Variants in HERC4 observed in about 807,000 individuals in gnomAD.
The protein encoded by HERC4 is HECT and RLD domain containing E3 ubiquitin protein ligase 4, also known as probable E3 ubiquitin-protein ligase HERC4.
In HERC4, 28 loss-of-function variants were observed where a neutral mutation model predicts 124.3. That is an observed-to-expected ratio of 0.23 (90% CI 0.17 to 0.31). HERC4 has a LOEUF of 0.31. Ranked by LOEUF, HERC4 falls within the 10% of genes least tolerant of loss-of-function variation. The pLI is 1.00. For missense variants in HERC4, 713 were observed against 1,229.3 expected, an observed-to-expected ratio of 0.58 and a Z score of 6.28; for synonymous variants, 407 against 421.5, an observed-to-expected ratio of 0.97 and a Z score of 0.42.
At chr10:67,932,474 A>T in intron 23 of HERC4, 123 bp downstream of exon 23, 1 of 733,822 alleles carries the variant, frequency 1.4e-6, no homozygotes, top group South Asian at 1.9e-5. Context: ...TTTGAAGGGT[A>T]GAGTGCTTTC....
intron 23 of HERC4, 125 bp downstream of exon 23, chr10:67,932,472 G>T: frequency 1.4e-6 from 1 of 727,990 alleles, no homozygotes; most frequent in Non-Finnish European, 2.2e-6. Context: ...AGTTTGAAGG[G>T]TAGAGTGCTT....
chr10:67,949,469 T>G (rs2033636635), intron 19 of HERC4, among the ~76,000 whole-genome samples: 1 of 152,064 alleles, frequency 6.6e-6, no homozygotes, highest in Non-Finnish European at 1.5e-5. Context: ...AAAAGGACCT[T>G]GCACACGCAC....
intron 15 of HERC4, among the ~76,000 whole-genome samples, chr10:67,969,558 G>T (rs938451992): frequency 6.6e-6 from 1 of 152,068 alleles, no homozygotes; most frequent in Non-Finnish European, 1.5e-5. Flanking sequence ...ACAAAGGCCC[G>T]TCACCCTGCC....
At chr10:68,010,276 G>C (rs1450563838) in intron 9 of HERC4, 1 of 990,828 alleles carries the variant, frequency 1.0e-6, no homozygotes, top group Admixed American at 2.0e-5. Flanking sequence ...ACACAGTGCA[G>C]TGCAGTGCAA....
intron 3 of HERC4, among the ~76,000 whole-genome samples, chr10:68,049,852 A>G (rs531998048): frequency 3.9e-5 from 6 of 152,208 alleles, no homozygotes; most frequent in South Asian, 2.1e-4. Flanking sequence ...TCAGGGCTAC[A>G]GTGAGCCGTG....
chr10:67,923,056 C>T lies in HERC4; in HGVS notation c.3025G>A (p.Glu1009Lys), dbSNP rs1425942862. The T allele has an allele frequency of 6.2e-7, 1 of 1,613,670 alleles. No homozygotes were observed. The highest frequency in any genetic ancestry group is 1.1e-5 in the South Asian group (1 of 91,066). Residue 1009 changes from glutamate to lysine, a missense_variant, in exon 25 of 25, where the codon GAG becomes AAG. Glu to Lys is a moderately conservative substitution (Grantham distance 56). Coordinates refer to ENST00000373700, the MANE Select transcript of HERC4 (RefSeq NM_015601.4). ...CAAGTATGGGAAACTGGGAGATACT[C>T]CTCACCACCTCCTGTGGACTGGATG... ...LVIQSTGGGE[E>K]YLPVSHTCFN...
chr10:67,924,755 G>A (rs555606643), intron 24 of HERC4, among the ~76,000 whole-genome samples: 80 of 152,172 alleles, frequency 5.3e-4, no homozygotes, highest in Non-Finnish European at 9.3e-4. Flanking sequence ...CCCCATGTAT[G>A]CCAAAGGATG....
intron 15 of HERC4, among the ~76,000 whole-genome samples, chr10:67,975,190 TA>T (rs879324370): frequency 1.0e-3 from 147 of 144,892 alleles, no homozygotes; most frequent in Middle Eastern, 3.5e-3. Flanking sequence ...ACTCTGTCTT[TA>T]AAAAAAAAAA....
At chr10:67,962,040 A>G (rs1472917368) in intron 16 of HERC4, among the ~76,000 whole-genome samples, 1 of 152,176 alleles carries the variant, frequency 6.6e-6, no homozygotes, top group Non-Finnish European at 1.5e-5. Context: ...ACCTTGTGGG[A>G]CTTTTTTTGA....
intron 8 of HERC4, among the ~76,000 whole-genome samples, chr10:68,022,286 G>A (rs2038671760): frequency 1.3e-5 from 2 of 152,072 alleles, no homozygotes; most frequent in Admixed American, 6.6e-5. Flanking sequence ...GATCAACTGA[G>A]GTCGGGAGTT....
intron 3 of HERC4, among the ~76,000 whole-genome samples, chr10:68,058,453 A>C (rs892911254): frequency 6.6e-6 from 1 of 152,342 alleles, no homozygotes; most frequent in African/African-American, 2.4e-5. Flanking sequence ...CATTAGGCAA[A>C]TATGAAACAG....
rs1564919992 is a variant in HERC4 at position 67,932,789 on chromosome 10, G to A, written c.2655-9C>T. The A allele has an allele frequency of 1.3e-6, 2 of 1,578,590 alleles. No homozygotes were observed. The highest frequency in any genetic ancestry group is 8.5e-7 in the Non-Finnish European group (1 of 1,172,240). ...CATCGACAAACTCTTGCCTAGAAAT[G>A]AAAAAGCACACATGTACAGATTATA... On this transcript the variant is annotated splice_polypyrimidine_tract_variant and intron_variant, in intron 22 of 24. Transcript: ENST00000373700.
chr10:67,998,040 AG>A, intron 9 of HERC4, among the ~76,000 whole-genome samples: 1 of 152,010 alleles, frequency 6.6e-6, no homozygotes, highest in African/African-American at 2.4e-5. Context: ...CTGGGACTAT[AG>A]GTGCGTGCCA....
At chr10:67,994,663 C>T (rs2036754225) in intron 9 of HERC4, 1 of 152,104 alleles carries the variant, frequency 6.6e-6, no homozygotes, top group African/African-American at 2.4e-5. Flanking sequence ...AACTCCCAAC[C>T]TCAGGTGATC....
chr10:67,966,089 T>C (rs968813860), intron 16 of HERC4: 1 of 152,452 alleles, frequency 6.6e-6, no homozygotes, highest in African/African-American at 2.4e-5. Context: ...GTGATTCTCA[T>C]GCCTCAGCCT....
At position 68,058,805 on chromosome 10, in the gene HERC4, G is replaced by A. The variant is rs371353803; in HGVS notation, c.226+14078C>T. On this transcript the variant is annotated intron_variant, in intron 3 of 24. Transcript: ENST00000373700. ...GACCAAGAAAACAGATCTAGCAACA[G>A]AGCCAGGATTTTTATGTAAGCACTC... is the stretch of plus-strand genomic sequence containing the variant. Among the ~76,000 whole-genome samples the A allele has an allele frequency of 1.5e-4, 23 of 151,098 alleles. No homozygotes were observed. The South Asian group carries it at 4.6e-3, about 30-fold the overall frequency.
chr10:68,001,372 T>TAA lies in HERC4; in HGVS notation c.1070-8692_1070-8691dup, dbSNP rs11422072. On this transcript the variant is annotated intron_variant, in intron 9 of 24. Transcript: ENST00000373700. ...GGGCAACAGAGTGAGACCTTGTATTTAAAAAAAAAAAAAATTCCTCTTGTT... is the reference window on the plus strand; with the variant it reads ...GGGCAACAGAGTGAGACCTTGTATTTAAAAAAAAAAAAAAAATTCCTCTTGTT... Among the ~76,000 whole-genome samples, 1,079 of 147,122 alleles carry TAA rather than the reference T, an allele frequency of 7.3e-3. 12 individuals carry two copies. The highest frequency in any genetic ancestry group is 0.024 in the African/African-American group (971 of 39,908).
rs992193222 is a variant in HERC4, at chr10:67,988,783, A to G, written c.1686T>C (p.Leu562=). Residue 562 remains leucine, a synonymous_variant, in exon 15 of 25, where the codon CTT becomes CTC. Transcript: ENST00000373700. ...AAAGATGTACCACAACTTCCTTAAA[A>G]AGTTCTACTATCTTGAGGAATAGTG... The part of the protein sequence containing the change: ...EPPLFLKIVE[L]FKEVVVHLLK... 3.7e-6 allele frequency: 6 copies of G among 1,608,748 alleles called. No homozygotes were observed. The Admixed American group carries it at 6.8e-5, about 18-fold the overall frequency.
At chr10:68,069,877 C>T (rs568934592) in intron 3 of HERC4, 9 of 453,424 alleles carry the variant, frequency 2.0e-5, no homozygotes, top group Admixed American at 1.3e-4. Context: ...CCCGTCCCTA[C>T]TAAAAATATA....
Sources: gnomAD v4.1 joint callset for allele counts (sites outside exome capture counted in the v4.1 genomes callset) on GRCh38, gnomAD v4.1.1 for gene constraint, MANE v1.5 for transcripts, NCBI Gene and HGNC (gene_info 2026-07-23, HGNC 2026-07-21) for gene names.